The following WNT6 variants were observed in gnomAD, a reference collection of about 807,000 sequenced individuals.
WNT6 encodes protein Wnt-6.
In WNT6, 27 loss-of-function variants were observed where a neutral mutation model predicts 33.1. The ratio of observed to expected loss-of-function variants is 0.82; its 90% CI spans 0.60 to 1.12. The LOEUF is 1.12. Among genes scored for constraint, WNT6 ranks in the 50% most tolerant of loss-of-function variants. The pLI is 0.00. For missense variants in WNT6, 494 were observed against 535.3 expected (o/e 0.92, Z 0.76); for synonymous variants, 249 against 242.8 (o/e 1.03, Z -0.24).
In WNT6 at chr2:218,867,448, C is replaced by G. The variant is rs1944362542; in HGVS notation, c.81-3579C>G. 6.6e-6 allele frequency among the ~76,000 whole-genome samples: 1 copy of G among 152,232 alleles called. No homozygotes were observed. The highest frequency in any genetic ancestry group is 6.5e-5 in the Admixed American group (1 of 15,286). ...ATTGCCAATAGGGACTGGCTGGCCC[C>G]TGATACCACCTCCCTAGGCAATTGA... On this transcript the variant is annotated intron_variant, in intron 1 of 3. Coordinates refer to ENST00000233948, the MANE Select transcript of WNT6 (RefSeq NM_006522.4). This position sits in a 1 kb window ranked among gnomAD's most constrained non-coding sequence, Gnocchi z 4.9.
intron 1 of WNT6, among the ~76,000 whole-genome samples, chr2:218,866,834 T>A (rs1211217768): frequency 6.6e-6 from 1 of 152,188 alleles, no homozygotes. Context: ...ATGCATGAGC[T>A]TATTGTCTTC....
In WNT6 at chr2:218,874,124, T is replaced by G; in HGVS notation, c.*279T>G. On this transcript the variant is annotated 3_prime_UTR_variant, in exon 4 of 4. Coordinates refer to ENST00000233948, the MANE Select transcript of WNT6 (RefSeq NM_006522.4). ...TTGGCCTCTAGGAGGAAACAGTTTT[T>G]TAGACTGGAAAAAAGCCAGTCTAAA... 2.3e-6 allele frequency: 1 copy of G among 427,872 alleles called. No individual in the cohort carries two copies. Among genetic ancestry groups the G allele is most frequent in the Non-Finnish European group, 4.1e-6 (1 of 246,428 alleles). 26.5% of individuals were successfully genotyped at this position (427,872 alleles called of 1,614,324 possible).
At chr2:218,869,420 A>G (rs1442912677) in intron 1 of WNT6, among the ~76,000 whole-genome samples, 2 of 152,142 alleles carry the variant, frequency 1.3e-5, no homozygotes, top group African/African-American at 4.8e-5. Flanking sequence ...GTGGAGCCAG[A>G]ACATTCCTGG....
chr2:218,871,024 C>T lies in WNT6; in HGVS notation c.81-3C>T. On this transcript the variant is annotated splice_region_variant and splice_polypyrimidine_tract_variant and intron_variant, in intron 1 of 3. Coordinates refer to ENST00000233948, the MANE Select transcript of WNT6 (RefSeq NM_006522.4). This position sits in a 1 kb window ranked among gnomAD's most constrained non-coding sequence, Gnocchi z 6.4. ...CCCTGACCTGCTATTCTCTGCTTTC[C>T]AGGGCTGTGGGCAGCCCCTTGGTTA... 6.2e-7 allele frequency: 1 copy of T among 1,600,326 alleles called. No homozygotes were observed. The highest frequency in any genetic ancestry group is 8.5e-7 in the Non-Finnish European group (1 of 1,170,504).
intron 1 of WNT6, among the ~76,000 whole-genome samples, chr2:218,870,768 T>C (rs939754138): frequency 9.9e-5 from 15 of 152,250 alleles, no homozygotes; most frequent in African/African-American, 3.6e-4. Flanking sequence ...TCTATAAGAA[T>C]TTATTTACAA....
chr2:218,863,142 G>C (rs1045917195), intron 1 of WNT6, among the ~76,000 whole-genome samples: 5 of 152,150 alleles, frequency 3.3e-5, no homozygotes, highest in Non-Finnish European at 5.9e-5. Flanking sequence ...TGATGAGCTG[G>C]ACCAATAATT....
In WNT6 at chr2:218,871,897, C is replaced by A. The variant is rs888812896; in HGVS notation, c.636+78C>A. On this transcript the variant is annotated intron_variant, in intron 3 of 3. Coordinates refer to ENST00000233948, the MANE Select transcript of WNT6 (RefSeq NM_006522.4). This position sits in a 1 kb window ranked among gnomAD's most constrained non-coding sequence, Gnocchi z 6.4. ...AGGAGTGTGCTTGAGGAAGTGTTGG[C>A]AGGAGTGAGGGTGTGTAGGTGGAGG... is the stretch of plus-strand genomic sequence containing the variant. The A allele has an allele frequency of 1.5e-6, 2 of 1,341,148 alleles. No homozygotes were observed. Among genetic ancestry groups the A allele is most frequent in the South Asian group, 1.7e-5 (1 of 57,544 alleles). The allele number at this position is 1,341,148 out of a possible 1,614,324, so 83.1% of individuals were successfully genotyped here. A position where few individuals can be genotyped will look rare whatever the true frequency, so the allele number is the denominator to read the frequency against.
Position 218,862,331 on chromosome 2 carries a change from T to C in WNT6, c.80+2214T>C, listed in dbSNP as rs578115159. 5.3e-5 allele frequency among the ~76,000 whole-genome samples: 8 copies of C among 152,188 alleles called. No individual in the cohort carries two copies. In the South Asian group the frequency reaches 1.2e-3, roughly 24 times the overall value. On this transcript the variant is annotated intron_variant, in intron 1 of 3. Transcript: ENST00000233948. ...TTTGTCTATTCATTTTGTTTTTCTT[T>C]CTTTATTTCTATTTTTATTTATTTA...
At chr2:218,860,157 G>A (rs1359996771) in intron 1 of WNT6, 40 bp downstream of exon 1, 2 of 1,491,470 alleles carry the variant, frequency 1.3e-6, no homozygotes, top group Admixed American at 2.2e-5. Context: ...GACCCTGGAG[G>A]GTGGGGACCC....
chr2:218,873,481 A>G lies in WNT6; in HGVS notation c.734A>G (p.Glu245Gly). Residue 245 changes from glutamate to glycine, a missense_variant, in exon 4 of 4, where the codon GAG becomes GGG. By Grantham distance (98) the Glu-to-Gly change is moderately conservative. Coordinates refer to ENST00000233948, the MANE Select transcript of WNT6 (RefSeq NM_006522.4). This position sits in a 1 kb window ranked among gnomAD's most constrained non-coding sequence, Gnocchi z 6.1. Reference protein sequence around the residue: ...TCWQKLPPFREVGARLLERFH... With the variant: ...TCWQKLPPFRGVGARLLERFH... Reference sequence around the variant, plus strand: ...TGGCAGAAGCTGCCTCCATTTCGCGAGGTGGGCGCGCGGCTGCTGGAGCGC... The same window carrying G: ...TGGCAGAAGCTGCCTCCATTTCGCGGGGTGGGCGCGCGGCTGCTGGAGCGC... 6.5e-7 allele frequency: 1 copy of G among 1,538,976 alleles called. No individual in the cohort carries two copies. The highest frequency in any genetic ancestry group is 1.2e-5 in the South Asian group (1 of 84,024).
chr2:218,869,093 C>G (rs1348824504), intron 1 of WNT6, among the ~76,000 whole-genome samples: 2 of 152,084 alleles, frequency 1.3e-5, no homozygotes, highest in African/African-American at 4.8e-5. Context: ...AGGGTGGGGG[C>G]CAGTGCTGGG....
chr2:218,862,356 A>C (rs767008315), intron 1 of WNT6, among the ~76,000 whole-genome samples: 3 of 151,728 alleles, frequency 2.0e-5, no homozygotes, highest in Non-Finnish European at 2.9e-5. Flanking sequence ...TTATTTATTT[A>C]TTTATTTAGA....
Position 218,874,006 on chromosome 2 carries a change from G to A in WNT6, c.*161G>A, listed in dbSNP as rs1377208252. The stretch of plus-strand genomic sequence containing the variant: ...AAATGGTGAGGCGAGGGGCTTGAGA[G>A]GAACGCCCACCCACGAAGGCCCAGG... On this transcript the variant is annotated 3_prime_UTR_variant, in exon 4 of 4. Coordinates refer to ENST00000233948, the MANE Select transcript of WNT6 (RefSeq NM_006522.4). 2 of 855,096 alleles carry A rather than the reference G, an allele frequency of 2.3e-6. No homozygotes were observed. Among genetic ancestry groups the A allele is most frequent in the Non-Finnish European group, 1.7e-6 (1 of 599,900 alleles). 53.0% of individuals were successfully genotyped at this position (855,096 alleles called of 1,614,324 possible).
chr2:218,864,611 C>T (rs921606382), intron 1 of WNT6, among the ~76,000 whole-genome samples: 1 of 152,182 alleles, frequency 6.6e-6, no homozygotes, highest in Non-Finnish European at 1.5e-5. Context: ...CCCCTTGTTC[C>T]ACTAGGGAAA....
In WNT6 at chr2:218,871,259, G is replaced by GA. The variant is rs764767347; in HGVS notation, c.301+13dup. On this transcript the variant is annotated intron_variant, in intron 2 of 3. Coordinates refer to ENST00000233948, the MANE Select transcript of WNT6 (RefSeq NM_006522.4). The surrounding 1 kb of genome is among the most constrained non-coding windows in gnomAD (Gnocchi z 6.4). ...CATCCTGCAACAGGGTCAGTGTGGGGAGGGGGCGGAAGTGGGGCTGCTTTC... is the reference window on the plus strand; with the variant it reads ...CATCCTGCAACAGGGTCAGTGTGGGGAAGGGGGCGGAAGTGGGGCTGCTTTC... The GA allele has an allele frequency of 6.3e-7, 1 of 1,599,050 alleles. No homozygotes were observed. The highest frequency in any genetic ancestry group is 2.2e-5 in the East Asian group (1 of 44,552).
chr2:218,872,324 G>C (rs1460079232), intron 3 of WNT6, among the ~76,000 whole-genome samples: 1 of 152,196 alleles, frequency 6.6e-6, no homozygotes, highest in Non-Finnish European at 1.5e-5. Context: ...ACAGGTCTGA[G>C]GGGCAATGGA....
chr2:218,867,181 G>T lies in WNT6; in HGVS notation c.81-3846G>T, dbSNP rs150646803. ...CACTGGAAGTCTTCTGATATCTCAC[G>T]TGCCCATTTCCCTCCAGCACTGTTT... On this transcript the variant is annotated intron_variant, in intron 1 of 3. Transcript: ENST00000233948. This position sits in a 1 kb window ranked among gnomAD's most constrained non-coding sequence, Gnocchi z 4.9. 3.9e-3 allele frequency among the ~76,000 whole-genome samples: 588 copies of T among 152,280 alleles called. 3 individuals carry two copies. Among genetic ancestry groups the T allele is most frequent in the African/African-American group, 0.013 (553 of 41,552 alleles).
At chr2:218,860,168 CG>C in intron 1 of WNT6, 51 bp downstream of exon 1, 1 of 1,470,028 alleles carries the variant, frequency 6.8e-7, no homozygotes, top group African/African-American at 1.4e-5. Context: ...GTGGGGACCC[CG>C]GGACCCAGGA....
At position 218,873,306 on chromosome 2, in the gene WNT6, T is replaced by G. The variant is rs1944419971; in HGVS notation, c.637-78T>G. On this transcript the variant is annotated intron_variant, in intron 3 of 3. Transcript: ENST00000233948. The surrounding 1 kb of genome is among the most constrained non-coding windows in gnomAD (Gnocchi z 6.1). ...TTCCTTTCACCTCCCATTCCCAATCTTATTTTCTGTCCATCCGCTGGGCCC... is the reference window on the plus strand; with the variant it reads ...TTCCTTTCACCTCCCATTCCCAATCGTATTTTCTGTCCATCCGCTGGGCCC... 2 of 1,384,610 alleles carry G rather than the reference T, an allele frequency of 1.4e-6. No individual in the cohort carries two copies. Among genetic ancestry groups the G allele is most frequent in the East Asian group, 2.6e-5 (1 of 38,718 alleles). The allele number at this position is 1,384,610 out of a possible 1,614,324, so 85.8% of individuals were successfully genotyped here.
Sources: allele counts gnomAD v4.1 joint callset (sites outside exome capture counted in the v4.1 genomes callset), GRCh38; gene constraint gnomAD v4.1.1; non-coding constraint Gnocchi (gnomAD v3.1); transcripts MANE v1.5; gene names NCBI Gene and HGNC (gene_info 2026-07-23, HGNC 2026-07-21).